Variants in DLG1 observed in about 807,000 individuals in gnomAD.
DLG1 encodes the protein discs large MAGUK scaffold protein 1, also known as disks large homolog 1.
A neutral mutation model predicts 123.4 loss-of-function variants in DLG1; 42 were observed. The observed-to-expected ratio is 0.34, with a 90% CI of 0.27 to 0.44. The LOEUF is 0.44. Among genes scored for constraint, DLG1 ranks in the 20% least tolerant of loss-of-function variants. The pLI is 1.00. For missense variants in DLG1, 942 were observed against 1,082.6 expected (o/e 0.87, Z 1.82); for synonymous variants, 317 against 356.2 (o/e 0.89, Z 1.24).
chr3:197,183,544 T>C (rs1196778582), intron 5 of DLG1: 1 of 1,534,910 alleles, frequency 6.5e-7, no homozygotes, highest in South Asian at 1.2e-5. Context: ...CAGAAATAGA[T>C]TGAAAATAAT....
At chr3:197,194,619 T>TG (rs1182886583) in intron 4 of DLG1, 30 bp from the exon 5 acceptor site, 1 of 1,521,952 alleles carries the variant, frequency 6.6e-7, no homozygotes, top group Non-Finnish European at 8.9e-7. Flanking sequence ...GAAGAAGCCC[T>TG]GATAAGCAAC....
At chr3:197,121,693 TTC>T (rs1776458475) in intron 11 of DLG1, among the ~76,000 whole-genome samples, 1 of 151,960 alleles carries the variant, frequency 6.6e-6, no homozygotes, top group Non-Finnish European at 1.5e-5. Context: ...TCTTCCCTAT[TTC>T]TTTTACTATT....
rs772765298 is a variant in DLG1, at chr3:197,200,464, T to C, written c.319-5875A>G. ...TTCTTGAAACAGATGAGGATTAACA[T>C]GTGTTGAGGAATGGAGGCCAGTATT... On this transcript the variant is annotated intron_variant, in intron 4 of 24. Coordinates refer to ENST00000667157, the MANE Select transcript of DLG1 (RefSeq NM_001366207.1). Among the ~76,000 whole-genome samples, 30 of 152,242 alleles carry C rather than the reference T, an allele frequency of 2.0e-4. 1 individual carries two copies. The highest frequency in any genetic ancestry group is 7.2e-5 in the African/African-American group (3 of 41,542).
In DLG1 at chr3:197,220,894, G is replaced by C. The variant is rs549975375; in HGVS notation, c.319-26305C>G. On this transcript the variant is annotated intron_variant, in intron 4 of 24. Transcript: ENST00000667157. Reference sequence around the variant, plus strand: ...TCTTAGAAGAAGGAAGATACTAGAGGAGGGCTGTGCTTTTAATATCAAAAG... The same window carrying C: ...TCTTAGAAGAAGGAAGATACTAGAGCAGGGCTGTGCTTTTAATATCAAAAG... Among the ~76,000 whole-genome samples the C allele has an allele frequency of 4.6e-5, 7 of 152,308 alleles. No individual in the cohort carries two copies. In the East Asian group the frequency reaches 1.2e-3, roughly 25 times the overall value.
chr3:197,275,010 C>T (rs1285824766), intron 4 of DLG1, among the ~76,000 whole-genome samples: 1 of 152,100 alleles, frequency 6.6e-6, no homozygotes, highest in Non-Finnish European at 1.5e-5. Context: ...TAGTGAAACC[C>T]TGTGTCTACT....
intron 4 of DLG1, among the ~76,000 whole-genome samples, chr3:197,241,526 T>C (rs1229494770): frequency 1.3e-5 from 2 of 152,182 alleles, no homozygotes; most frequent in Non-Finnish European, 2.9e-5. Context: ...CAAAATACTT[T>C]ACTATTGTAA....
chr3:197,075,636 T>C (rs976050340), intron 18 of DLG1, among the ~76,000 whole-genome samples: 1 of 152,118 alleles, frequency 6.6e-6, no homozygotes, highest in Admixed American at 6.5e-5. Flanking sequence ...TCAAATGACA[T>C]GTGAAAAATA....
chr3:197,104,324 A>G (rs1450509117), intron 14 of DLG1, among the ~76,000 whole-genome samples: 1 of 152,192 alleles, frequency 6.6e-6, no homozygotes, highest in Non-Finnish European at 1.5e-5. Flanking sequence ...GTAAACAGTT[A>G]AATTAACCCA....
intron 4 of DLG1, among the ~76,000 whole-genome samples, chr3:197,258,087 G>A (rs1002612664): frequency 6.6e-6 from 1 of 152,120 alleles, no homozygotes; most frequent in African/African-American, 2.4e-5. Context: ...AATCAGAAAC[G>A]CTGCCATGCT....
chr3:197,291,807 T>C (rs1261327559), intron 3 of DLG1, among the ~76,000 whole-genome samples: 8 of 152,190 alleles, frequency 5.3e-5, no homozygotes, highest in African/African-American at 1.9e-4. Context: ...TACAGGTGAA[T>C]GTACACCTCA....
At chr3:197,089,118 G>A (rs1756168191) in intron 15 of DLG1, among the ~76,000 whole-genome samples, 1 of 152,202 alleles carries the variant, frequency 6.6e-6, no homozygotes, top group Admixed American at 6.5e-5. Context: ...TTAGAAATAA[G>A]GAGGTGAAGG....
At position 197,154,177 on chromosome 3, in the gene DLG1, C is replaced by T. The variant is rs77907307; in HGVS notation, c.484-4381G>A. ...ATTAGCTGGGTGTGGTGGCAGGTGC[C>T]TATAATCCCAGCTACTTGGAAGGCT... is the stretch of plus-strand genomic sequence containing the variant. On this transcript the variant is annotated intron_variant, in intron 5 of 24. Coordinates refer to ENST00000667157, the MANE Select transcript of DLG1 (RefSeq NM_001366207.1). 1.1e-3 allele frequency among the ~76,000 whole-genome samples: 164 copies of T among 151,970 alleles called. 2 individuals are homozygous for T. The East Asian group carries it at 0.03, about 28-fold the overall frequency.
chr3:197,122,967 GGTGGT>G (rs1371114106), intron 11 of DLG1, among the ~76,000 whole-genome samples: 24 of 152,060 alleles, frequency 1.6e-4, no homozygotes, highest in Non-Finnish European at 3.4e-4. Context: ...AGAGACTGCA[GGTGGT>G]ACAAAGACAA....
At chr3:197,083,249 A>G (rs1201578421) in intron 16 of DLG1, among the ~76,000 whole-genome samples, 1 of 152,232 alleles carries the variant, frequency 6.6e-6, no homozygotes, top group East Asian at 1.9e-4. Context: ...CAACTTCTAC[A>G]AACAGGTAAA....
Position 197,119,525 on chromosome 3 carries a change from A to T in DLG1, c.1171T>A (p.Ser391Thr). 1.2e-6 allele frequency: 2 copies of T among 1,604,990 alleles called. No individual in the cohort carries two copies. Among genetic ancestry groups the T allele is most frequent in the Non-Finnish European group, 1.7e-6 (2 of 1,175,100 alleles). The change falls in exon 12 of 25, where the codon TCT (serine) becomes ACT (threonine). Residue 391 changes from serine to threonine, a missense_variant. Ser to Thr is a moderately conservative substitution (Grantham distance 58). Coordinates refer to ENST00000667157, the MANE Select transcript of DLG1 (RefSeq NM_001366207.1). ...YAPPDITNSS[S>T]QPVDNHVSPS... is the part of the protein sequence containing the mutation. ...CTAACATGGTTATCAACAGGCTGAG[A>T]AGAAGCTTCAAAATAAACAAAGTGA...
At chr3:197,239,048 G>A (rs1409239812) in intron 4 of DLG1, among the ~76,000 whole-genome samples, 1 of 152,030 alleles carries the variant, frequency 6.6e-6, no homozygotes, top group Non-Finnish European at 1.5e-5. Context: ...ACCAAAAGTT[G>A]TTTCTTTAAA....
intron 4 of DLG1, among the ~76,000 whole-genome samples, chr3:197,206,261 T>A (rs780992453): frequency 6.6e-6 from 1 of 152,206 alleles, no homozygotes; most frequent in Non-Finnish European, 1.5e-5. Context: ...AAAATCAGTA[T>A]ATACTCTTGA....
intron 4 of DLG1, among the ~76,000 whole-genome samples, chr3:197,281,112 G>A (rs552163772): frequency 6.7e-5 from 10 of 149,564 alleles, no homozygotes; most frequent in African/African-American, 2.5e-4. Context: ...GTCTCAGCTC[G>A]CTGCAACCTC....
intron 5 of DLG1, among the ~76,000 whole-genome samples, chr3:197,181,946 T>C (rs1035039767): frequency 6.6e-6 from 1 of 152,178 alleles, no homozygotes; most frequent in African/African-American, 2.4e-5. Context: ...TCTGGCGCAA[T>C]CACAGCAACG....
Sources: gnomAD v4.1 joint callset for allele counts (sites outside exome capture counted in the v4.1 genomes callset) on GRCh38, gnomAD v4.1.1 for gene constraint, MANE v1.5 for transcripts, NCBI Gene and HGNC (gene_info 2026-07-23, HGNC 2026-07-21) for gene names.